Variants in LRP1B observed in about 807,000 individuals in gnomAD.
The protein encoded by LRP1B is low-density lipoprotein receptor-related protein 1B.
LRP1B carries 217 observed loss-of-function variants against 556.6 expected under a neutral mutation model. The observed-to-expected ratio is 0.39, with a 90% CI of 0.35 to 0.44. LRP1B has a LOEUF of 0.44. Ranked by LOEUF, LRP1B falls within the 20% of genes least tolerant of loss-of-function variation. The pLI, the probability that LRP1B is intolerant of heterozygous loss-of-function variation, is 1.00. For synonymous variants in LRP1B, 2,047 were observed against 1,865.8 expected (o/e 1.10, Z -2.50); for missense variants, 5,053 against 5,620.8 (o/e 0.90, Z 3.23).
chr2:140,799,887 T>C (rs1485864081), intron 32 of LRP1B, among the ~76,000 whole-genome samples: 1 of 152,056 alleles, frequency 6.6e-6, no homozygotes, highest in Admixed American at 6.6e-5. Flanking sequence ...TTCATCTCAC[T>C]GGGGCTTGTC....
At chr2:141,852,125 G>C (rs907814583) in intron 1 of LRP1B, among the ~76,000 whole-genome samples, 2 of 151,692 alleles carry the variant, frequency 1.3e-5, no homozygotes, top group African/African-American at 2.4e-5. Context: ...AGGTAGTTGT[G>C]ATTAATAAAG....
rs371044646 is a variant in LRP1B at position 140,475,234 on chromosome 2, T to C, written c.9529A>G (p.Met3177Val). ...TTAACATAATCTATTGTTAGTGCCATAGGTCTAGAAATCTTGGTTTCTATG... is the reference window on the plus strand; with the variant it reads ...TTAACATAATCTATTGTTAGTGCCACAGGTCTAGAAATCTTGGTTTCTATG... Reference protein sequence around the residue: ...VVIETKISRPMALTIDYVNRR... With the variant: ...VVIETKISRPVALTIDYVNRR... Residue 3177 changes from methionine (M) to valine (V), a missense_variant, in exon 60 of 91, where the codon ATG (methionine) becomes GTG (valine). Met to Val is a conservative substitution (Grantham distance 21, BLOSUM62 1). This residue lies in a region of LRP1B where 3,619 missense variants were observed against 3,931.9 expected (regional missense o/e 0.92). Transcript: ENST00000389484. The C allele has an allele frequency of 5.0e-6, 8 of 1,612,082 alleles. No individual in the cohort carries two copies. Among genetic ancestry groups the C allele is most frequent in the Non-Finnish European group, 6.8e-6 (8 of 1,178,730 alleles).
intron 2 of LRP1B, among the ~76,000 whole-genome samples, chr2:141,506,680 T>C (rs754765492): frequency 2.0e-5 from 3 of 152,092 alleles, no homozygotes; most frequent in Admixed American, 6.6e-5. Flanking sequence ...TAGTATGTTA[T>C]AATATAGATA....
intron 23 of LRP1B, among the ~76,000 whole-genome samples, chr2:140,891,800 T>C (rs375290798): frequency 7.9e-5 from 12 of 152,328 alleles, no homozygotes; most frequent in Middle Eastern, 3.4e-3. Context: ...ATATACATGA[T>C]GATGTCATCA....
intron 71 of LRP1B, among the ~76,000 whole-genome samples, chr2:140,368,000 T>C (rs955084486): frequency 2.6e-5 from 4 of 151,720 alleles, no homozygotes; most frequent in Non-Finnish European, 5.9e-5. Context: ...AATGAAATCA[T>C]ATTGTAAGAG....
chr2:140,651,100 C>T (rs1400301341), intron 41 of LRP1B, among the ~76,000 whole-genome samples: 1 of 151,930 alleles, frequency 6.6e-6, no homozygotes. Context: ...TTCCGAATGG[C>T]CTTTAACAGT....
intron 2 of LRP1B, among the ~76,000 whole-genome samples, chr2:141,723,700 T>G (rs1461745499): frequency 6.6e-6 from 1 of 151,922 alleles, no homozygotes; most frequent in Non-Finnish European, 1.5e-5. Context: ...CAGAAAGAGA[T>G]ATTGATAAAA....
intron 1 of LRP1B, among the ~76,000 whole-genome samples, chr2:142,030,513 T>G (rs1479449075): frequency 6.6e-6 from 1 of 151,960 alleles, no homozygotes; most frequent in Non-Finnish European, 1.5e-5. Context: ...GAAAATGAGA[T>G]AGCTGATATC....
intron 1 of LRP1B, among the ~76,000 whole-genome samples, chr2:141,985,599 G>A (rs1702165018): frequency 6.6e-6 from 1 of 151,712 alleles, no homozygotes; most frequent in South Asian, 2.1e-4. Context: ...TTTCCCTTTA[G>A]CACAATTCTT....
intron 86 of LRP1B, among the ~76,000 whole-genome samples, chr2:140,264,003 G>T (rs758219746): frequency 1.3e-5 from 2 of 151,956 alleles, no homozygotes; most frequent in African/African-American, 4.8e-5. Flanking sequence ...CTTCTTAAAG[G>T]CTGGAAATTG....
chr2:140,720,994 T>G (rs768585432), intron 35 of LRP1B, among the ~76,000 whole-genome samples: 10 of 152,076 alleles, frequency 6.6e-5, no homozygotes, highest in Admixed American at 1.3e-4. Flanking sequence ...TTCACAAAGT[T>G]GCTTTTTCTT....
chr2:140,239,643 T>G (rs1160168913), intron 87 of LRP1B, 111 bp from the exon 88 acceptor site: 2 of 587,180 alleles, frequency 3.4e-6, no homozygotes, highest in African/African-American at 1.9e-5. Flanking sequence ...TAATAAAAGC[T>G]TAGCCCAAAT....
intron 84 of LRP1B, among the ~76,000 whole-genome samples, chr2:140,279,161 T>A (rs1395368162): frequency 6.6e-6 from 1 of 151,990 alleles, no homozygotes; most frequent in African/African-American, 2.4e-5. Flanking sequence ...CCAAGACTCC[T>A]GAACACAGGA....
intron 27 of LRP1B, 42 bp downstream of exon 27, chr2:140,867,548 A>C: frequency 1.3e-6 from 2 of 1,556,542 alleles, no homozygotes; most frequent in Non-Finnish European, 1.7e-6. Flanking sequence ...TAAGATGATA[A>C]TACTTTCTGG....
intron 41 of LRP1B, among the ~76,000 whole-genome samples, chr2:140,625,717 A>C (rs1210575804): frequency 6.6e-6 from 1 of 152,200 alleles, no homozygotes; most frequent in East Asian, 1.9e-4. Context: ...CAGAACAGTG[A>C]CTACATAAAA....
rs569181090 is a variant in LRP1B, at chr2:141,698,681, A to G, written c.205+111598T>C. The stretch of plus-strand genomic sequence containing the variant: ...ATCTGACTGAGCTGTAGCATATTCC[A>G]AATAGAAATTACTCAATAGCAACTG... On this transcript the variant is annotated intron_variant, in intron 2 of 90. Transcript: ENST00000389484. Among the ~76,000 whole-genome samples, 6 of 151,812 alleles carry G rather than the reference A, an allele frequency of 4.0e-5. No individual in the cohort carries two copies. The East Asian group carries it at 1.2e-3, about 30-fold the overall frequency.
Position 140,358,053 on chromosome 2 carries a change from C to T in LRP1B, c.11321G>A (p.Cys3774Tyr), listed in dbSNP as rs2105135139. The change falls in exon 74 of 91, where the codon TGC becomes TAC. Residue 3774 changes from cysteine (C) to tyrosine (Y), a missense_variant. Physicochemically the swap from Cys to Tyr is radical, Grantham distance 194. This residue lies in a region of LRP1B where 599 missense variants were observed against 648.4 expected (regional missense o/e 0.92). Coordinates refer to ENST00000389484, the MANE Select transcript of LRP1B (RefSeq NM_018557.3). The stretch of plus-strand genomic sequence containing the variant: ...ATCACACTGGAGATCCATAGGGATG[C>T]ATTTTTTATTACTACAAGCAAACTC... The part of the protein sequence containing the change: ...KDEFACSNKK[C>Y]IPMDLQCDRL... The T allele has an allele frequency of 6.2e-7, 1 of 1,611,504 alleles. No homozygotes were observed. The highest frequency in any genetic ancestry group is 8.5e-7 in the Non-Finnish European group (1 of 1,178,336).
intron 12 of LRP1B, among the ~76,000 whole-genome samples, chr2:141,018,439 A>G (rs1024316383): frequency 7.9e-5 from 12 of 152,152 alleles, no homozygotes; most frequent in African/African-American, 2.9e-4. Context: ...GCCTTCAAAG[A>G]GCTTGAACTA....
At chr2:141,696,391 AAAAT>A (rs1461689560) in intron 2 of LRP1B, among the ~76,000 whole-genome samples, 4 of 152,022 alleles carry the variant, frequency 2.6e-5, no homozygotes, top group Non-Finnish European at 4.4e-5. Context: ...AATATTGAAT[AAAAT>A]AAATAAATAA....
Sources: gnomAD v4.1 joint callset for allele counts (sites outside exome capture counted in the v4.1 genomes callset) on GRCh38, gnomAD v4.1.1 for gene constraint, gnomAD v4.1.1 regional missense constraint, MANE v1.5 for transcripts, NCBI Gene and HGNC (gene_info 2026-07-23, HGNC 2026-07-21) for gene names.